Variants in NADK2 observed in about 807,000 individuals in gnomAD.
The protein encoded by NADK2 is NAD kinase domain-containing protein 1, mitochondrial.
Under a neutral mutation model 62.1 loss-of-function variants are expected in NADK2, and 35 were observed. The ratio of observed to expected loss-of-function variants is 0.56; its 90% CI spans 0.43 to 0.75. The LOEUF is 0.75. Among genes scored for constraint, NADK2 ranks in the 30% least tolerant of loss-of-function variants. NADK2 has a pLI of 0.00. For synonymous variants in NADK2, 205 were observed against 207.9 expected (o/e 0.99, Z 0.12); for missense variants, 439 against 561.3 (o/e 0.78, Z 2.20).
At position 36,241,807 on chromosome 5, in the gene NADK2, G is replaced by T; in HGVS notation, c.-9C>A. On this transcript the variant is annotated 5_prime_UTR_variant, in exon 1 of 12. Coordinates refer to ENST00000381937, the MANE Select transcript of NADK2 (RefSeq NM_001085411.3). This position sits in a 1 kb window ranked among gnomAD's most constrained non-coding sequence, Gnocchi z 4.9. The stretch of plus-strand genomic sequence containing the variant: ...CCTCGGTAGCAAGTCATCGTGGGCC[G>T]GGCCGCGGCCGCGGGCTTGGGCTCG... 7.6e-7 allele frequency: 1 copy of T among 1,312,858 alleles called. No homozygotes were observed. The highest frequency in any genetic ancestry group is 9.7e-7 in the Non-Finnish European group (1 of 1,031,844). The allele number at this position is 1,312,858 out of a possible 1,614,324, so 81.3% of individuals were successfully genotyped here.
At chr5:36,239,368 T>C (rs952606511) in intron 1 of NADK2, among the ~76,000 whole-genome samples, 2 of 152,176 alleles carry the variant, frequency 1.3e-5, no homozygotes, top group African/African-American at 4.8e-5. Flanking sequence ...TTATATAAAC[T>C]ATAACACAAA....
chr5:36,232,942 C>T (rs1295601775), intron 1 of NADK2, among the ~76,000 whole-genome samples: 1 of 152,146 alleles, frequency 6.6e-6, no homozygotes, highest in Non-Finnish European at 1.5e-5. Context: ...AATATCAAAA[C>T]TTGATTATAT....
chr5:36,207,095 C>A (rs754891643), intron 8 of NADK2, 75 bp downstream of exon 8: 5 of 1,181,716 alleles, frequency 4.2e-6, no homozygotes, highest in Non-Finnish European at 6.3e-6. Flanking sequence ...ATATTACAGG[C>A]CTTAGATGGG....
chr5:36,235,206 T>G (rs1747857225), intron 1 of NADK2, among the ~76,000 whole-genome samples: 1 of 152,150 alleles, frequency 6.6e-6, no homozygotes, highest in Non-Finnish European at 1.5e-5. Context: ...TTTAAAATTT[T>G]GGTTAAAAAA....
At chr5:36,203,042 A>G (rs1420094669) in intron 8 of NADK2, among the ~76,000 whole-genome samples, 1 of 152,124 alleles carries the variant, frequency 6.6e-6, no homozygotes, top group African/African-American at 2.4e-5. Context: ...AAAGAGAGAA[A>G]AATAGACTAT....
intron 6 of NADK2, among the ~76,000 whole-genome samples, chr5:36,216,924 G>T (rs957093981): frequency 1.3e-5 from 2 of 151,862 alleles, no homozygotes; most frequent in African/African-American, 4.8e-5. Context: ...TTTTTAAATA[G>T]AATTCTTTTT....
chr5:36,211,790 C>A, intron 7 of NADK2, 54 bp downstream of exon 7: 2 of 1,444,816 alleles, frequency 1.4e-6, no homozygotes, highest in South Asian at 2.4e-5. Flanking sequence ...GAATAAATAT[C>A]CAAAAGCACT....
chr5:36,202,306 T>G (rs1287141650), intron 8 of NADK2, among the ~76,000 whole-genome samples: 1 of 152,048 alleles, frequency 6.6e-6, no homozygotes, highest in African/African-American at 2.4e-5. Context: ...TAAACATACA[T>G]CTTCATCCTT....
At chr5:36,234,302 G>A (rs1747818385) in intron 1 of NADK2, among the ~76,000 whole-genome samples, 3 of 149,348 alleles carry the variant, frequency 2.0e-5, no homozygotes, top group Admixed American at 2.0e-4. Context: ...GAACCCGGGA[G>A]GCGGAGCTTG....
intron 8 of NADK2, among the ~76,000 whole-genome samples, chr5:36,201,852 C>G (rs139290086): frequency 6.6e-6 from 1 of 152,082 alleles, no homozygotes; most frequent in East Asian, 1.9e-4. Context: ...TGCTTAACCA[C>G]TAAAAAACAA....
intron 11 of NADK2, among the ~76,000 whole-genome samples, 192 bp downstream of exon 11, chr5:36,197,349 C>T (rs1222746551): frequency 6.6e-6 from 1 of 152,022 alleles, no homozygotes; most frequent in African/African-American, 2.4e-5. Flanking sequence ...TAAAATGGCA[C>T]AATGAGTGTA....
intron 11 of NADK2, 79 bp from the exon 12 acceptor site, chr5:36,195,361 G>C: frequency 7.2e-7 from 1 of 1,384,378 alleles, no homozygotes; most frequent in Non-Finnish European, 9.7e-7. Context: ...TAACCTAGCA[G>C]ATCATTTGGC....
At chr5:36,234,488 C>T (rs888928395) in intron 1 of NADK2, among the ~76,000 whole-genome samples, 3 of 149,370 alleles carry the variant, frequency 2.0e-5, no homozygotes, top group Admixed American at 6.6e-5. Context: ...TTCTAAAGAA[C>T]AGAATTATCA....
intron 10 of NADK2, among the ~76,000 whole-genome samples, chr5:36,199,009 C>T (rs2112060897): frequency 6.7e-6 from 1 of 149,694 alleles, no homozygotes; most frequent in Non-Finnish European, 1.5e-5. Context: ...AATGAGAACA[C>T]ATGGACACAG....
intron 6 of NADK2, among the ~76,000 whole-genome samples, chr5:36,215,098 CA>C (rs1746993748): frequency 6.6e-6 from 1 of 152,114 alleles, no homozygotes; most frequent in Non-Finnish European, 1.5e-5. Context: ...GTCCTAGACC[CA>C]ATCCCCCTCA....
At position 36,241,807 on chromosome 5, in the gene NADK2, G is replaced by A. The variant is rs1182657071; in HGVS notation, c.-9C>T. 2 of 1,312,858 alleles carry A rather than the reference G, an allele frequency of 1.5e-6. No individual in the cohort carries two copies. The highest frequency in any genetic ancestry group is 1.9e-5 in the South Asian group (1 of 52,594). The allele number at this position is 1,312,858 out of a possible 1,614,324, so 81.3% of individuals were successfully genotyped here. On this transcript the variant is annotated 5_prime_UTR_variant, in exon 1 of 12. Transcript: ENST00000381937. The surrounding 1 kb of genome is among the most constrained non-coding windows in gnomAD (Gnocchi z 4.9). ...CCTCGGTAGCAAGTCATCGTGGGCCGGGCCGCGGCCGCGGGCTTGGGCTCG... is the reference window on the plus strand; with the variant it reads ...CCTCGGTAGCAAGTCATCGTGGGCCAGGCCGCGGCCGCGGGCTTGGGCTCG...
chr5:36,210,315 A>C (rs928704617), intron 7 of NADK2, among the ~76,000 whole-genome samples: 4 of 152,228 alleles, frequency 2.6e-5, no homozygotes, highest in African/African-American at 9.6e-5. Flanking sequence ...CAAAAAAATT[A>C]TGTTGATAAT....
chr5:36,239,571 C>T (rs1579646099), intron 1 of NADK2, among the ~76,000 whole-genome samples: 1 of 152,122 alleles, frequency 6.6e-6, no homozygotes, highest in Non-Finnish European at 1.5e-5. Context: ...CCACTCAGAA[C>T]GGGTACACTT....
chr5:36,199,239 C>T (rs1746351439), intron 10 of NADK2, among the ~76,000 whole-genome samples: 2 of 151,932 alleles, frequency 1.3e-5, no homozygotes, highest in Admixed American at 1.3e-4. Flanking sequence ...ATATTGCTAA[C>T]TCATGTTAAG....
Sources: allele counts gnomAD v4.1 joint callset (sites outside exome capture counted in the v4.1 genomes callset), GRCh38; gene constraint gnomAD v4.1.1; non-coding constraint Gnocchi (gnomAD v3.1); transcripts MANE v1.5; gene names NCBI Gene and HGNC (gene_info 2026-07-23, HGNC 2026-07-21).